The following CCDC50 variants were observed in gnomAD, a reference collection of about 807,000 sequenced individuals.
CCDC50 encodes the protein coiled-coil domain containing 50.
Under a neutral mutation model 70.2 loss-of-function variants are expected in CCDC50, and 54 were observed. That is an observed-to-expected ratio of 0.77 (90% CI 0.62 to 0.96). The LOEUF is 0.96. Ranked by LOEUF, CCDC50 falls within the 50% of genes least tolerant of loss-of-function variation. The pLI is 0.00. For missense variants in CCDC50, 558 were observed against 578.7 expected (o/e 0.96, Z 0.37); for synonymous variants, 216 against 198.8 (o/e 1.09, Z -0.73).
intron 1 of CCDC50, among the ~76,000 whole-genome samples, chr3:191,346,844 G>A (rs1711944192): frequency 6.6e-6 from 1 of 152,158 alleles, no homozygotes; most frequent in African/African-American, 2.4e-5. Context: ...ATTTGACAAC[G>A]ATTAAAACCC....
At chr3:191,333,839 C>T (rs936140193) in intron 1 of CCDC50, among the ~76,000 whole-genome samples, 3 of 151,876 alleles carry the variant, frequency 2.0e-5, no homozygotes, top group African/African-American at 7.3e-5. Context: ...CTTATTTATA[C>T]CAGCATTAAA....
At chr3:191,363,509 T>C (rs1244429804) in intron 4 of CCDC50, among the ~76,000 whole-genome samples, 1 of 152,220 alleles carries the variant, frequency 6.6e-6, no homozygotes, top group Non-Finnish European at 1.5e-5. Flanking sequence ...AGGGCTGTTG[T>C]GAGGTAAATG....
intron 1 of CCDC50, among the ~76,000 whole-genome samples, chr3:191,338,902 A>G (rs1413862443): frequency 2.0e-5 from 3 of 152,156 alleles, no homozygotes; most frequent in Non-Finnish European, 4.4e-5. Context: ...CGTTCCAGTA[A>G]AGTGATATGG....
Position 191,332,161 on chromosome 3 carries a change from AG to A in CCDC50, c.49+2440del, listed in dbSNP as rs546556805. Among the ~76,000 whole-genome samples the A allele has an allele frequency of 6.9e-3, 1,053 of 152,324 alleles. 8 individuals carry two copies. Among genetic ancestry groups the A allele is most frequent in the Middle Eastern group, 0.017 (5 of 294 alleles). On this transcript the variant is annotated intron_variant, in intron 1 of 11. Coordinates refer to ENST00000392455, the MANE Select transcript of CCDC50 (RefSeq NM_178335.3). ...CCTTTTGTCGTGAACATTTCAATAG[AG>A]GTCGTGGGTAGCAGCTGACATTAGG...
chr3:191,364,123 T>C (rs1712593240), intron 4 of CCDC50, among the ~76,000 whole-genome samples: 3 of 151,668 alleles, frequency 2.0e-5, no homozygotes, highest in Non-Finnish European at 2.9e-5. Flanking sequence ...GGCTGGAGTA[T>C]AGTGGCGCAA....
At chr3:191,391,407 A>G (rs796977780) in intron 11 of CCDC50, among the ~76,000 whole-genome samples, 39 of 152,310 alleles carry the variant, frequency 2.6e-4, no homozygotes, top group African/African-American at 8.9e-4. Flanking sequence ...AAGTAAGGTT[A>G]GTTGGACATT....
intron 1 of CCDC50, among the ~76,000 whole-genome samples, chr3:191,341,635 C>G (rs988864058): frequency 6.6e-6 from 1 of 152,170 alleles, no homozygotes; most frequent in Admixed American, 6.5e-5. Flanking sequence ...AGAGTGCTAG[C>G]TGTTTTCAGC....
chr3:191,393,165 T>A lies in CCDC50; in HGVS notation c.*1405T>A, dbSNP rs1713753816. ...TAGCTGCTAACCTTACTGCAATATT[T>A]ATTTTCCCTTATTTTCCCATACTAC... On this transcript the variant is annotated 3_prime_UTR_variant, in exon 12 of 12. Coordinates refer to ENST00000392455, the MANE Select transcript of CCDC50 (RefSeq NM_178335.3). 6.6e-6 allele frequency: 1 copy of A among 152,250 alleles called. No homozygotes were observed. Among genetic ancestry groups the A allele is most frequent in the South Asian group, 2.1e-4 (1 of 4,830 alleles). The allele number at this position is 152,250 out of a possible 1,614,324, so 9.4% of individuals were successfully genotyped here. A position where few individuals can be genotyped will look rare whatever the true frequency, so the allele number is the denominator to read the frequency against.
At chr3:191,361,006 T>A (rs767352322) in intron 3 of CCDC50, 63 bp from the exon 4 acceptor site, 11 of 1,105,524 alleles carry the variant, frequency 1.0e-5, no homozygotes, top group African/African-American at 1.6e-5. Flanking sequence ...ATTGTATTTA[T>A]TACTTTTAGG....
chr3:191,333,408 T>C (rs1718051262), intron 1 of CCDC50, among the ~76,000 whole-genome samples: 1 of 152,166 alleles, frequency 6.6e-6, no homozygotes, highest in Non-Finnish European at 1.5e-5. Context: ...GTGAACCCAG[T>C]AGTCTAAGAA....
At chr3:191,371,555 G>T (rs770044782) in intron 5 of CCDC50, among the ~76,000 whole-genome samples, 4 of 152,160 alleles carry the variant, frequency 2.6e-5, no homozygotes, top group South Asian at 2.1e-4. Context: ...ATTATAAAAG[G>T]TAAATATGTG....
At chr3:191,379,285 C>T (rs993339980) in intron 6 of CCDC50, among the ~76,000 whole-genome samples, 4 of 151,874 alleles carry the variant, frequency 2.6e-5, no homozygotes, top group African/African-American at 4.8e-5. Flanking sequence ...TCATGTGATT[C>T]GAATATATAG....
intron 10 of CCDC50, among the ~76,000 whole-genome samples, chr3:191,384,676 A>G (rs1294560908): frequency 1.3e-5 from 2 of 151,192 alleles, no homozygotes; most frequent in Non-Finnish European, 3.0e-5. Flanking sequence ...AAAAATTGCC[A>G]TTTTTATTTT....
intron 1 of CCDC50, among the ~76,000 whole-genome samples, chr3:191,347,879 C>T (rs1711977966): frequency 7.0e-6 from 1 of 141,870 alleles, no homozygotes; most frequent in African/African-American, 2.5e-5. Flanking sequence ...CGTGTTATGT[C>T]CTGTGCACTA....
rs1553844447 is a variant in CCDC50 at position 191,380,139 on chromosome 3, G to GGT, written c.977-20_977-19insGT. On this transcript the variant is annotated intron_variant, in intron 6 of 11. Transcript: ENST00000392455. ...ATCCTCGGTTGTTTTATTACATTGA[G>GGT]TTTTTTTTTTTTTTTAAAGGAATGA... is the stretch of plus-strand genomic sequence containing the variant. 8.5e-6 allele frequency: 10 copies of GGT among 1,183,356 alleles called. No homozygotes were observed. The highest frequency in any genetic ancestry group is 1.6e-5 in the African/African-American group (1 of 61,576). 73.3% of individuals were successfully genotyped at this position (1,183,356 alleles called of 1,614,324 possible). A position where few individuals can be genotyped will look rare whatever the true frequency, so the allele number is the denominator to read the frequency against.
At chr3:191,331,592 G>C (rs2108625785) in intron 1 of CCDC50, among the ~76,000 whole-genome samples, 1 of 152,232 alleles carries the variant, frequency 6.6e-6, no homozygotes, top group East Asian at 1.9e-4. Context: ...AATTTTGAAG[G>C]TGGTCAGGAA....
In CCDC50 at chr3:191,375,586, G is replaced by T. The variant is rs376689351; in HGVS notation, c.973G>T (p.Ala325Ser). 4.3e-6 allele frequency: 7 copies of T among 1,612,496 alleles called. No individual in the cohort carries two copies. Among genetic ancestry groups the T allele is most frequent in the Middle Eastern group, 1.7e-4 (1 of 6,030 alleles). The change falls in exon 6 of 12, where the codon GCA (alanine) becomes TCA (serine). Residue 325 changes from alanine (A) to serine (S), a missense_variant. Transcript: ENST00000392455. ...TGAGGAGCAGCTCCACCTCCATGAC[G>T]CAGGTAATAGAGGACAGTCTCGATG... The part of the protein sequence containing the change: ...ESEEQLHLHD[A>S]GMKPRVMKEA...
At chr3:191,336,868 A>C (rs1711537505) in intron 1 of CCDC50, among the ~76,000 whole-genome samples, 1 of 152,260 alleles carries the variant, frequency 6.6e-6, no homozygotes, top group Non-Finnish European at 1.5e-5. Flanking sequence ...AATCCTCTCT[A>C]GTAATTCAAA....
Position 191,393,820 on chromosome 3 carries a change from G to A in CCDC50, c.*2060G>A, listed in dbSNP as rs1318623025. 2 of 151,986 alleles carry A rather than the reference G, an allele frequency of 1.3e-5. No homozygotes were observed. The highest frequency in any genetic ancestry group is 2.9e-5 in the Non-Finnish European group (2 of 67,966). 9.4% of individuals were successfully genotyped at this position (151,986 alleles called of 1,614,324 possible). ...AGTAATGCTATATTTTTCTTTATCTGCCCTGTGATTTCGCTTCGTGTCCTT... is the reference window on the plus strand; with the variant it reads ...AGTAATGCTATATTTTTCTTTATCTACCCTGTGATTTCGCTTCGTGTCCTT... On this transcript the variant is annotated 3_prime_UTR_variant, in exon 12 of 12. Transcript: ENST00000392455.
Sources: gnomAD v4.1 joint callset for allele counts (sites outside exome capture counted in the v4.1 genomes callset) on GRCh38, gnomAD v4.1.1 for gene constraint, MANE v1.5 for transcripts, NCBI Gene and HGNC (gene_info 2026-07-23, HGNC 2026-07-21) for gene names.